UNC13C: variants seen among roughly 807,000 people sequenced by gnomAD.
UNC13C encodes the protein unc-13 homolog C.
A neutral mutation model predicts 245.4 loss-of-function variants in UNC13C; 174 were observed. That is an observed-to-expected ratio of 0.71 (90% CI 0.63 to 0.80). The LOEUF is 0.80. UNC13C is among the 30% of genes least tolerant of loss of function. UNC13C has a pLI of 0.00. For synonymous variants in UNC13C, 992 were observed against 895.1 expected, an observed-to-expected ratio of 1.11 and a Z score of -1.93; for missense variants, 2,829 against 2,602.9, an observed-to-expected ratio of 1.09 and a Z score of -1.89.
At chr15:54,581,807 C>T (rs1162398995) in intron 30 of UNC13C, among the ~76,000 whole-genome samples, 1 of 152,130 alleles carries the variant, frequency 6.6e-6, no homozygotes, top group Non-Finnish European at 1.5e-5. Flanking sequence ...CTCTTTTAAT[C>T]AGCCTTTTTG....
At chr15:54,110,691 G>A (rs980758917) in intron 2 of UNC13C, among the ~76,000 whole-genome samples, 1 of 152,144 alleles carries the variant, frequency 6.6e-6, no homozygotes, top group Non-Finnish European at 1.5e-5. Flanking sequence ...TAAACCAGAG[G>A]CTGGAGTACA....
intron 29 of UNC13C, among the ~76,000 whole-genome samples, chr15:54,558,188 C>G (rs187416443): frequency 6.6e-6 from 1 of 151,990 alleles, no homozygotes; most frequent in East Asian, 1.9e-4. Flanking sequence ...ACCAGCATGT[C>G]ACATGTATAC....
chr15:54,165,019 T>C (rs2033116625), intron 4 of UNC13C, among the ~76,000 whole-genome samples: 1 of 152,188 alleles, frequency 6.6e-6, no homozygotes, highest in African/African-American at 2.4e-5. Flanking sequence ...ACAGTTTGTG[T>C]ATGTGTGTTA....
intron 2 of UNC13C, among the ~76,000 whole-genome samples, chr15:54,117,268 C>G (rs372654280): frequency 2.0e-4 from 31 of 151,960 alleles, no homozygotes; most frequent in Non-Finnish European, 4.3e-4. Flanking sequence ...GTGCCAGGAC[C>G]TTTTACCTTG....
intron 25 of UNC13C, 122 bp from the exon 26 acceptor site, chr15:54,532,795 G>A (rs1307033873): frequency 6.2e-6 from 4 of 648,840 alleles, no homozygotes; most frequent in African/African-American, 1.9e-5. Flanking sequence ...CATTGAATTC[G>A]AAAACTCATG....
chr15:53,919,068 C>T, the UNC13C span, among the ~76,000 whole-genome samples: 1 of 152,162 alleles, frequency 6.6e-6, no homozygotes, highest in Non-Finnish European at 1.5e-5. Flanking sequence ...TATTTCCTAA[C>T]TCGCCAATTT....
Position 54,015,133 on chromosome 15 carries a change from G to A in UNC13C, c.2230G>A (p.Ala744Thr), listed in dbSNP as rs772616057. The A allele has an allele frequency of 6.2e-7, 1 of 1,612,446 alleles. No individual in the cohort carries two copies. The highest frequency in any genetic ancestry group is 8.5e-7 in the Non-Finnish European group (1 of 1,179,244). ...WVGQYDSYQG[A>T]NSNELYQNQN... ...TGGCCAATATGATTCTTATCAGGGA[G>A]CTAATTCTAATGAGCTATACCAAAA... Residue 744 changes from alanine (A) to threonine (T), a missense_variant, in exon 2 of 33, where the codon GCT becomes ACT. Transcript: ENST00000260323.
At chr15:53,906,088 C>T in the UNC13C span, among the ~76,000 whole-genome samples, 3 of 152,124 alleles carry the variant, frequency 2.0e-5, no homozygotes, top group East Asian at 1.9e-4. Flanking sequence ...AATCCCAGCA[C>T]TTTGGGAGGC....
At chr15:54,521,242 T>A (rs1302973659) in intron 24 of UNC13C, among the ~76,000 whole-genome samples, 1 of 152,138 alleles carries the variant, frequency 6.6e-6, no homozygotes. Flanking sequence ...CCTGGTGAGA[T>A]GGCCAGGAAG....
At chr15:54,239,034 G>C (rs2035782254) in intron 7 of UNC13C, among the ~76,000 whole-genome samples, 1 of 152,172 alleles carries the variant, frequency 6.6e-6, no homozygotes, top group Non-Finnish European at 1.5e-5. Context: ...TGCACATTCT[G>C]CTGGGGATTT....
At chr15:54,582,019 G>T (rs907463632) in intron 30 of UNC13C, among the ~76,000 whole-genome samples, 2 of 151,786 alleles carry the variant, frequency 1.3e-5, no homozygotes, top group African/African-American at 4.8e-5. Context: ...GTTTGTGGGA[G>T]AAAGGGGAGG....
At chr15:53,976,473 C>CTTTTTTTTTTTTTTT (rs1164175117), upstream of UNC13C, among the ~76,000 whole-genome samples, 4 of 27,520 alleles carry the variant, frequency 1.5e-4, no homozygotes, top group African/African-American at 1.3e-4. Context: ...CTCTCTCTCT[C>CTTTTTTTTTTTTTTT]TCTCTTTTTT....
At chr15:54,109,451 C>T (rs1900653520) in intron 2 of UNC13C, among the ~76,000 whole-genome samples, 1 of 150,422 alleles carries the variant, frequency 6.6e-6, no homozygotes, top group Non-Finnish European at 1.5e-5. Context: ...ATGCCATTCT[C>T]CTGCCTCAGC....
At chr15:54,574,304 A>G (rs1218994233) in intron 30 of UNC13C, among the ~76,000 whole-genome samples, 1 of 152,134 alleles carries the variant, frequency 6.6e-6, no homozygotes, top group Non-Finnish European at 1.5e-5. Flanking sequence ...AGCTTGAAAT[A>G]TTACATTTCT....
intron 1 of UNC13C, among the ~76,000 whole-genome samples, chr15:53,996,783 G>C (rs1036517798): frequency 1.3e-5 from 2 of 149,144 alleles, no homozygotes; most frequent in African/African-American, 2.5e-5. Context: ...ATGCAGTAGT[G>C]GTTCATTATT....
At chr15:54,493,586 T>C (rs1373384424) in intron 19 of UNC13C, among the ~76,000 whole-genome samples, 1 of 152,124 alleles carries the variant, frequency 6.6e-6, no homozygotes, top group African/African-American at 2.4e-5. Context: ...ATTCTTCAAA[T>C]AGTGTTTTAA....
intron 4 of UNC13C, among the ~76,000 whole-genome samples, chr15:54,154,098 T>C (rs556265272): frequency 1.7e-4 from 26 of 152,168 alleles, no homozygotes; most frequent in African/African-American, 6.3e-4. Context: ...TTATATATTG[T>C]TGTAGTCACT....
downstream of UNC13C, chr15:54,630,808 C>A (rs1258511126): frequency 7.3e-5 from 11 of 149,842 alleles, no homozygotes; most frequent in Non-Finnish European, 1.3e-4. Context: ...AGAATCAATT[C>A]CAATTTGCGA....
chr15:54,573,295 G>T, intron 30 of UNC13C, among the ~76,000 whole-genome samples: 1 of 151,772 alleles, frequency 6.6e-6, no homozygotes, highest in Admixed American at 6.6e-5. Flanking sequence ...TTCTGTAGTA[G>T]TTAGACAAAA....
Sources: allele counts gnomAD v4.1 joint callset (sites outside exome capture counted in the v4.1 genomes callset), GRCh38; gene constraint gnomAD v4.1.1; transcripts MANE v1.5; gene names NCBI Gene and HGNC (gene_info 2026-07-23, HGNC 2026-07-21).